The following CTNNA3 variants were observed in gnomAD, a reference collection of about 807,000 sequenced individuals.
The protein encoded by CTNNA3 is catenin alpha-3.
A neutral mutation model predicts 95.7 loss-of-function variants in CTNNA3; 76 were observed. The ratio of observed to expected loss-of-function variants is 0.79; its 90% confidence interval spans 0.66 to 0.96. CTNNA3 has a LOEUF of 0.96. Among genes scored for constraint, CTNNA3 ranks in the 40% least tolerant of loss-of-function variants. The probability of loss-of-function intolerance (pLI) is 0.00; values close to 1 mark genes in which losing one functional copy is unlikely to be tolerated. For synonymous variants in CTNNA3, 431 were observed against 374.4 expected, an observed-to-expected ratio of 1.15 and a Z score of -1.74; for missense variants, 1,191 against 1,089.8, an observed-to-expected ratio of 1.09 and a Z score of -1.31.
intron 5 of CTNNA3, among the ~76,000 whole-genome samples, chr10:67,230,049 T>C (rs534837849): frequency 3.9e-5 from 6 of 152,296 alleles, no homozygotes; most frequent in African/African-American, 1.4e-4. Context: ...TCTGGAGGTA[T>C]CACACCACCT....
intron 4 of CTNNA3, among the ~76,000 whole-genome samples, chr10:67,533,253 G>A (rs1306786751): frequency 1.3e-5 from 2 of 152,006 alleles, no homozygotes; most frequent in Non-Finnish European, 2.9e-5. Flanking sequence ...GAACCTGGGA[G>A]GTGAAGGTTG....
intron 10 of CTNNA3, among the ~76,000 whole-genome samples, chr10:66,579,935 T>A (rs868326188): frequency 6.6e-6 from 1 of 151,774 alleles, no homozygotes; most frequent in South Asian, 2.1e-4. Context: ...AGTTTGTCTA[T>A]GGTGTGATTT....
intron 7 of CTNNA3, among the ~76,000 whole-genome samples, chr10:66,919,934 C>T (rs139126095): frequency 2.4e-3 from 371 of 152,236 alleles, no homozygotes; most frequent in African/African-American, 8.4e-3. Context: ...AAATCAAATG[C>T]GTCTATTGGT....
chr10:66,773,378 A>G (rs546183151), intron 8 of CTNNA3, among the ~76,000 whole-genome samples: 3 of 152,326 alleles, frequency 2.0e-5, no homozygotes, highest in African/African-American at 7.2e-5. Flanking sequence ...AATGCTTGTC[A>G]GCTTCCGTCT....
intron 4 of CTNNA3, among the ~76,000 whole-genome samples, chr10:67,530,379 T>A (rs1262673536): frequency 6.6e-6 from 1 of 152,216 alleles, no homozygotes. Flanking sequence ...AAGCCCAGGC[T>A]GAGGTGGTCT....
intron 8 of CTNNA3, among the ~76,000 whole-genome samples, chr10:66,773,675 T>C (rs1306837531): frequency 6.6e-6 from 1 of 152,218 alleles, no homozygotes; most frequent in Non-Finnish European, 1.5e-5. Context: ...TTGTGGTGGT[T>C]TGTTAAACAC....
chr10:66,841,815 A>C (rs1843074117), intron 7 of CTNNA3, among the ~76,000 whole-genome samples: 1 of 152,210 alleles, frequency 6.6e-6, no homozygotes, highest in African/African-American at 2.4e-5. Flanking sequence ...ACAATTAAGC[A>C]CTTACACAAA....
chr10:66,921,433 C>A (rs1238595926), intron 7 of CTNNA3, among the ~76,000 whole-genome samples: 3 of 152,150 alleles, frequency 2.0e-5, no homozygotes, highest in Non-Finnish European at 4.4e-5. Context: ...CCAGTTAGCT[C>A]CCCGTTTTCT....
intron 11 of CTNNA3, among the ~76,000 whole-genome samples, chr10:66,474,769 T>C (rs978240542): frequency 6.6e-6 from 1 of 152,074 alleles, no homozygotes; most frequent in Non-Finnish European, 1.5e-5. Flanking sequence ...ATTGTAGTTT[T>C]GACTGAATTT....
At chr10:66,943,306 A>G (rs1848112428) in intron 7 of CTNNA3, among the ~76,000 whole-genome samples, 1 of 152,202 alleles carries the variant, frequency 6.6e-6, no homozygotes, top group African/African-American at 2.4e-5. Context: ...TTAGTTAGTT[A>G]ATGACTTTGA....
intron 1 of CTNNA3, among the ~76,000 whole-genome samples, chr10:67,734,886 T>C (rs1488098848): frequency 2.0e-5 from 3 of 152,128 alleles, no homozygotes; most frequent in African/African-American, 7.2e-5. Flanking sequence ...ATAAAACCTA[T>C]GATACATACA....
At chr10:67,396,822 T>C (rs1156619367) in intron 5 of CTNNA3, among the ~76,000 whole-genome samples, 2 of 151,904 alleles carry the variant, frequency 1.3e-5, no homozygotes, top group African/African-American at 2.4e-5. Flanking sequence ...GCTGCTGTTA[T>C]TGTGATAGTG....
At chr10:66,247,950 A>G (rs954403269) in intron 13 of CTNNA3, among the ~76,000 whole-genome samples, 1 of 152,214 alleles carries the variant, frequency 6.6e-6, no homozygotes, top group Non-Finnish European at 1.5e-5. Context: ...AACACAGAAT[A>G]TTATAACACT....
chr10:67,387,954 T>C (rs1457260415), intron 5 of CTNNA3, among the ~76,000 whole-genome samples: 8 of 151,588 alleles, frequency 5.3e-5, no homozygotes, highest in Non-Finnish European at 1.2e-4. Context: ...ACCACAAAGA[T>C]GGGGAAAAAA....
chr10:67,478,458 G>C (rs1039539369), intron 5 of CTNNA3, among the ~76,000 whole-genome samples: 2 of 152,092 alleles, frequency 1.3e-5, no homozygotes, highest in Non-Finnish European at 2.9e-5. Flanking sequence ...TTGTAAGCCA[G>C]GAGAGATTGG....
At chr10:66,228,711 T>C (rs2089443887) in intron 13 of CTNNA3, among the ~76,000 whole-genome samples, 1 of 152,104 alleles carries the variant, frequency 6.6e-6, no homozygotes. Context: ...TCTAAATCTG[T>C]CCACTCTCTG....
chr10:67,513,584 T>C (rs1839710678), intron 5 of CTNNA3, among the ~76,000 whole-genome samples: 1 of 152,132 alleles, frequency 6.6e-6, no homozygotes, highest in Non-Finnish European at 1.5e-5. Context: ...GCAAAGGAAA[T>C]GCTCCTCAAG....
intron 10 of CTNNA3, among the ~76,000 whole-genome samples, chr10:66,525,317 T>C (rs1194314761): frequency 6.6e-6 from 1 of 152,116 alleles, no homozygotes; most frequent in Non-Finnish European, 1.5e-5. Context: ...ACAAAGTCCA[T>C]ACTTTGCATC....
chr10:65,939,291 T>A (rs560330320), intron 17 of CTNNA3, among the ~76,000 whole-genome samples: 1 of 152,314 alleles, frequency 6.6e-6, no homozygotes. Context: ...TTACTTAATG[T>A]TTCTGAGCTC....
Sources: allele counts gnomAD v4.1 joint callset (sites outside exome capture counted in the v4.1 genomes callset), GRCh38; gene constraint gnomAD v4.1.1; transcripts MANE v1.5; gene names NCBI Gene and HGNC (gene_info 2026-07-23, HGNC 2026-07-21).